The following MEGF11 variants were observed in gnomAD, a reference collection of about 807,000 sequenced individuals.
MEGF11 encodes multiple EGF like domains 11, also known as multiple epidermal growth factor-like domains protein 11.
MEGF11 carries 126 observed loss-of-function variants against 146.6 expected under a neutral mutation model. The observed-to-expected ratio is 0.86, with a 90% CI of 0.74 to 1.00. MEGF11 has a LOEUF of 1.00. Among genes scored for constraint, MEGF11 ranks in the 50% least tolerant of loss-of-function variants. The pLI is 0.00. For missense variants in MEGF11, 1,509 were observed against 1,521.2 expected (o/e 0.99, Z 0.13); for synonymous variants, 532 against 583.4 (o/e 0.91, Z 1.27).
intron 5 of MEGF11, among the ~76,000 whole-genome samples, chr15:65,987,930 C>T (rs1009450125): frequency 9.3e-5 from 14 of 150,920 alleles, no homozygotes; most frequent in Non-Finnish European, 1.6e-4. Context: ...AGGATGGTTT[C>T]GATCTCCTGA....
chr15:66,171,839 T>C lies in MEGF11; in HGVS notation c.-8-43428A>G, dbSNP rs550433278. On this transcript the variant is annotated intron_variant, in intron 1 of 25. Coordinates refer to ENST00000395614, the MANE Select transcript of MEGF11 (RefSeq NM_001385028.1). ...AACAGCTCTTTTCACAAGGTCATCATTACCCACTAATTGTCCAAAATTTCA... is the reference window on the plus strand; with the variant it reads ...AACAGCTCTTTTCACAAGGTCATCACTACCCACTAATTGTCCAAAATTTCA... Among the ~76,000 whole-genome samples, 98 of 151,654 alleles carry C rather than the reference T, an allele frequency of 6.5e-4. 1 individual carries two copies. The highest frequency in any genetic ancestry group is 4.8e-3 in the South Asian group (23 of 4,772).
chr15:66,172,721 T>C (rs1042037947), intron 1 of MEGF11, among the ~76,000 whole-genome samples: 1 of 152,160 alleles, frequency 6.6e-6, no homozygotes, highest in Non-Finnish European at 1.5e-5. Flanking sequence ...TCAGCTCCCA[T>C]CAAATTACCC....
In MEGF11 at chr15:65,915,356, A is replaced by T. The variant is rs1030327183; in HGVS notation, c.2473+114T>A. ...AGCCCACCCTATTCCTGCTGTCCTC[A>T]CAAATGTGAATAAAGGGAAGTATCA... is the stretch of plus-strand genomic sequence containing the variant. On this transcript the variant is annotated intron_variant, in intron 19 of 25. Coordinates refer to ENST00000395614, the MANE Select transcript of MEGF11 (RefSeq NM_001385028.1). The T allele has an allele frequency of 5.7e-6, 8 of 1,392,374 alleles. No homozygotes were observed. The African/African-American group carries it at 1.0e-4, about 17-fold the overall frequency. 86.3% of individuals were successfully genotyped at this position (1,392,374 alleles called of 1,614,324 possible).
At chr15:66,153,340 C>T (rs998176700) in intron 1 of MEGF11, among the ~76,000 whole-genome samples, 6 of 152,106 alleles carry the variant, frequency 3.9e-5, no homozygotes, top group South Asian at 4.1e-4. Context: ...TTTGGGAGGC[C>T]GAGGTGAGAG....
chr15:66,011,035 GT>G (rs1165351302), intron 5 of MEGF11, among the ~76,000 whole-genome samples: 1 of 152,196 alleles, frequency 6.6e-6, no homozygotes, highest in Non-Finnish European at 1.5e-5. Flanking sequence ...AATACAGGGT[GT>G]GTGTAAAGGG....
chr15:66,021,081 CCACACCGTCCAGGAGGA>C (rs2083106685), intron 5 of MEGF11, among the ~76,000 whole-genome samples: 1 of 150,774 alleles, frequency 6.6e-6, no homozygotes, highest in African/African-American at 2.5e-5. Context: ...TGTTGGGTCT[CCACACCGTCCAGGAGGA>C]CACTGGTCCT....
rs111249076 is a variant in MEGF11 at position 66,008,410 on chromosome 15, C to T, written c.395-25922G>A. Among the ~76,000 whole-genome samples, 193 of 63,324 alleles carry T rather than the reference C, an allele frequency of 3.0e-3. 1 individual carries two copies. The Middle Eastern group carries it at 0.036, about 12-fold the overall frequency. 41.5% of individuals were successfully genotyped at this position (63,324 alleles called of 152,430 possible). A position where few individuals can be genotyped will look rare whatever the true frequency, so the allele number is the denominator to read the frequency against. The stretch of plus-strand genomic sequence containing the variant: ...TGAAACACACATGCACACGCGCGCG[C>T]GCACACACACACACACACACACACA... On this transcript the variant is annotated intron_variant, in intron 5 of 25. Coordinates refer to ENST00000395614, the MANE Select transcript of MEGF11 (RefSeq NM_001385028.1).
At chr15:65,909,849 G>A (rs1348927814) in intron 21 of MEGF11, 43 bp from the exon 22 acceptor site, 5 of 1,503,250 alleles carry the variant, frequency 3.3e-6, no homozygotes, top group Non-Finnish European at 4.5e-6. Context: ...TAGTGCCCCA[G>A]GTACCCCTCC....
chr15:66,148,041 G>A (rs1247747584), intron 1 of MEGF11, among the ~76,000 whole-genome samples: 1 of 152,168 alleles, frequency 6.6e-6, no homozygotes, highest in African/African-American at 2.4e-5. Context: ...AGGTACCGGA[G>A]AGGGGGAAAA....
At chr15:65,922,515 C>T in intron 14 of MEGF11, 43 bp from the exon 15 acceptor site, 4 of 1,504,030 alleles carry the variant, frequency 2.7e-6, no homozygotes, top group Non-Finnish European at 3.6e-6. Context: ...CCAAGAGACC[C>T]CAGCCAGCCT....
rs190924574 is a variant in MEGF11, at chr15:65,955,823, A to T, written c.1287+1724T>A. Reference sequence around the variant, plus strand: ...ACACACACACACACACAATACTTTAAATATATAACATGTAATCAATATAAC... The same window carrying T: ...ACACACACACACACACAATACTTTATATATATAACATGTAATCAATATAAC... On this transcript the variant is annotated intron_variant, in intron 10 of 25. Transcript: ENST00000395614. Among the ~76,000 whole-genome samples the T allele has an allele frequency of 7.7e-4, 31 of 40,160 alleles. 2 individuals are homozygous for T. Among genetic ancestry groups the T allele is most frequent in the African/African-American group, 1.3e-3 (13 of 10,098 alleles). 26.3% of individuals were successfully genotyped at this position (40,160 alleles called of 152,430 possible). A position where few individuals can be genotyped will look rare whatever the true frequency, so the allele number is the denominator to read the frequency against.
chr15:66,032,606 T>TG (rs1449651911), intron 5 of MEGF11, among the ~76,000 whole-genome samples: 2 of 152,138 alleles, frequency 1.3e-5, no homozygotes, highest in Non-Finnish European at 2.9e-5. Flanking sequence ...AAACAAGGTA[T>TG]TGGAAACTGG....
At chr15:66,098,458 T>C (rs1467114848) in intron 4 of MEGF11, among the ~76,000 whole-genome samples, 1 of 152,228 alleles carries the variant, frequency 6.6e-6, no homozygotes, top group East Asian at 1.9e-4. Context: ...TTAATGGAAC[T>C]ATAAAAATTA....
At chr15:66,031,851 G>C (rs965461946) in intron 5 of MEGF11, among the ~76,000 whole-genome samples, 1 of 152,220 alleles carries the variant, frequency 6.6e-6, no homozygotes, top group African/African-American at 2.4e-5. Context: ...ACAGGAATGG[G>C]TTCATTATCT....
chr15:66,109,270 A>T (rs1332350601), intron 4 of MEGF11, among the ~76,000 whole-genome samples: 1 of 152,040 alleles, frequency 6.6e-6, no homozygotes, highest in Non-Finnish European at 1.5e-5. Flanking sequence ...CCCCAGAGCA[A>T]CCACTCCCTG....
chr15:66,098,508 C>A (rs924202646), intron 4 of MEGF11, among the ~76,000 whole-genome samples: 4 of 152,202 alleles, frequency 2.6e-5, no homozygotes, highest in Non-Finnish European at 5.9e-5. Context: ...ACAACTTCCA[C>A]GCCCCCTGGC....
rs781378815 is a variant in MEGF11 at position 66,042,646 on chromosome 15, C to A, written c.394+51756G>T. ...GAAGTTCTGAAATCCCAAGTCCTGG[C>A]AGGGACACACTCCCCCTGAAACCTG... is the stretch of plus-strand genomic sequence containing the variant. On this transcript the variant is annotated intron_variant, in intron 5 of 25. Coordinates refer to ENST00000395614, the MANE Select transcript of MEGF11 (RefSeq NM_001385028.1). Among the ~76,000 whole-genome samples, 17 of 152,190 alleles carry A rather than the reference C, an allele frequency of 1.1e-4. 1 individual carries two copies. Among genetic ancestry groups the A allele is most frequent in the Non-Finnish European group, 4.4e-5 (3 of 68,036 alleles).
At chr15:66,184,986 C>T (rs142198185) in intron 1 of MEGF11, among the ~76,000 whole-genome samples, 3 of 152,274 alleles carry the variant, frequency 2.0e-5, no homozygotes, top group African/African-American at 7.2e-5. Flanking sequence ...CATGCAGCCC[C>T]CTACACAAGT....
At chr15:65,977,477 C>CT (rs1180788795) in intron 7 of MEGF11, among the ~76,000 whole-genome samples, 7,892 of 130,342 alleles carry the variant, frequency 0.061, 353 homozygotes, top group Non-Finnish European at 0.071. Context: ...CTCTCTCCCT[C>CT]TTTTTTTTTT....
Sources: allele counts gnomAD v4.1 joint callset (sites outside exome capture counted in the v4.1 genomes callset), GRCh38; gene constraint gnomAD v4.1.1; transcripts MANE v1.5; gene names NCBI Gene and HGNC (gene_info 2026-07-23, HGNC 2026-07-21).